The following PLXNA4 variants were observed in gnomAD, a reference collection of about 807,000 sequenced individuals.
PLXNA4 encodes plexin A4.
Under a neutral mutation model 191.8 loss-of-function variants are expected in PLXNA4, and 44 were observed. That is an observed-to-expected ratio of 0.23 (90% CI 0.18 to 0.29). The LOEUF is 0.29. PLXNA4 is among the 10% of genes least tolerant of loss of function. PLXNA4 has a pLI of 1.00. For missense variants in PLXNA4, 1,800 were observed against 2,488.8 expected (o/e 0.72, Z 5.89); for synonymous variants, 1,082 against 1,009.5 (o/e 1.07, Z -1.36).
intron 4 of PLXNA4, among the ~76,000 whole-genome samples, chr7:132,263,132 C>T (rs1447838035): frequency 6.6e-6 from 1 of 152,182 alleles, no homozygotes; most frequent in Non-Finnish European, 1.5e-5. Flanking sequence ...GAGAGGGAGG[C>T]TGAGCTTCTC....
At chr7:132,465,341 C>A (rs1395386612) in intron 3 of PLXNA4, among the ~76,000 whole-genome samples, 3 of 152,196 alleles carry the variant, frequency 2.0e-5, no homozygotes, top group African/African-American at 7.2e-5. Context: ...ACACCCTCAA[C>A]CTGAAATGAT....
At chr7:132,465,439 T>C (rs1331728376) in intron 3 of PLXNA4, among the ~76,000 whole-genome samples, 1 of 152,244 alleles carries the variant, frequency 6.6e-6, no homozygotes, top group Non-Finnish European at 1.5e-5. Context: ...TTACAATCTT[T>C]GTTCCTGGGG....
chr7:132,278,556 G>A (rs772115136), intron 4 of PLXNA4, among the ~76,000 whole-genome samples: 21 of 152,200 alleles, frequency 1.4e-4, no homozygotes, highest in Non-Finnish European at 2.6e-4. Flanking sequence ...ATGCCAACTA[G>A]TTAATAATGA....
intron 4 of PLXNA4, among the ~76,000 whole-genome samples, chr7:132,275,172 T>C (rs541590652): frequency 9.2e-5 from 14 of 152,282 alleles, no homozygotes; most frequent in African/African-American, 3.4e-4. Context: ...ATTTTTCCTC[T>C]TTTCTTCCAC....
At chr7:132,431,929 A>C (rs938474197) in intron 3 of PLXNA4, among the ~76,000 whole-genome samples, 1 of 152,076 alleles carries the variant, frequency 6.6e-6, no homozygotes, top group Non-Finnish European at 1.5e-5. Flanking sequence ...TCTCATAATC[A>C]ATGCCTGCCT....
At chr7:132,518,893 G>A (rs1462183490) in intron 1 of PLXNA4, among the ~76,000 whole-genome samples, 3 of 151,530 alleles carry the variant, frequency 2.0e-5, no homozygotes, top group East Asian at 3.9e-4. Flanking sequence ...TTCCCTCAGG[G>A]TACAAAACCA....
At position 132,594,927 on chromosome 7, in the gene PLXNA4, A is replaced by G. The variant is rs79528443; in HGVS notation, c.-87+51001T>C. 5.9e-4 allele frequency among the ~76,000 whole-genome samples: 53 copies of G among 90,292 alleles called. No individual in the cohort carries two copies. In the East Asian group the frequency reaches 0.02, roughly 33 times the overall value. The allele number at this position is 90,292 out of a possible 152,430, so 59.2% of individuals were successfully genotyped here. On this transcript the variant is annotated intron_variant, in intron 2 of 4. Coordinates refer to the PLXNA4 transcript ENST00000378539. ...GATAGATAGGTAGATAGATAGATAGATAGATAGATAGATAGATAGATAGAT... is the reference window on the plus strand; with the variant it reads ...GATAGATAGGTAGATAGATAGATAGGTAGATAGATAGATAGATAGATAGAT...
intron 1 of PLXNA4, among the ~76,000 whole-genome samples, chr7:132,533,925 C>T (rs979947124): frequency 2.7e-5 from 4 of 149,994 alleles, no homozygotes; most frequent in Admixed American, 6.6e-5. Flanking sequence ...AAGGATATTA[C>T]TATTATTATT....
intron 3 of PLXNA4, among the ~76,000 whole-genome samples, chr7:132,325,415 C>A (rs1802319926): frequency 1.3e-5 from 2 of 152,154 alleles, no homozygotes; most frequent in Admixed American, 6.5e-5. Context: ...TGAACTGTGT[C>A]CCCTGAATAG....
intron 4 of PLXNA4, among the ~76,000 whole-genome samples, chr7:132,247,529 C>A (rs1799100851): frequency 1.3e-5 from 2 of 152,124 alleles, no homozygotes; most frequent in African/African-American, 2.4e-5. Context: ...TGTCACTGTC[C>A]CCGAGCAGAG....
chr7:132,185,250 G>C lies in PLXNA4; in HGVS notation c.3158+49C>G, dbSNP rs377613938. The C allele has an allele frequency of 3.2e-6, 5 of 1,559,382 alleles. No individual in the cohort carries two copies. The African/African-American group carries it at 6.8e-5, about 21-fold the overall frequency. On this transcript the variant is annotated intron_variant, in intron 16 of 31. Transcript: ENST00000321063. ...TCCTTGGCTTTCAAGAGTCAGGGAA[G>C]GGAAACAGAGGTGCAGAAGCATTAA... is the stretch of plus-strand genomic sequence containing the variant.
chr7:132,583,116 A>G (rs1039780873), intron 2 of PLXNA4, among the ~76,000 whole-genome samples: 2 of 152,188 alleles, frequency 1.3e-5, no homozygotes, highest in Non-Finnish European at 2.9e-5. Context: ...GCCATCAGAG[A>G]CATTCAAGAG....
At chr7:132,222,360 C>T (rs561631093) in intron 9 of PLXNA4, among the ~76,000 whole-genome samples, 1 of 152,196 alleles carries the variant, frequency 6.6e-6, no homozygotes, top group Non-Finnish European at 1.5e-5. Context: ...TAATAAACAG[C>T]TTCTCTCCTC....
chr7:132,298,067 C>A, intron 4 of PLXNA4, 24 bp downstream of exon 4: 1 of 1,614,068 alleles, frequency 6.2e-7, no homozygotes, highest in East Asian at 2.2e-5. Context: ...AGACAAATGT[C>A]TAGCGGAGCC....
In PLXNA4 at chr7:132,140,806, G is replaced by T; in HGVS notation, c.5231C>A (p.Pro1744His). The change falls in exon 30 of 32, where the codon CCC becomes CAC. Residue 1744 changes from proline (P) to histidine (H), a missense_variant. This residue lies in a region of PLXNA4 where 101 missense variants were observed against 182.8 expected (regional missense o/e 0.55). Coordinates refer to ENST00000321063, the MANE Select transcript of PLXNA4 (RefSeq NM_020911.2). The stretch of plus-strand genomic sequence containing the variant: ...GATCATGTTGACCCAAAACCTCAGG[G>T]GCAGGCTGCGTGGAAGGAAGAGGCA... The part of the protein sequence containing the change: ...VRHTWKSNCL[P>H]LRFWVNMIKN... 6.2e-7 allele frequency: 1 copy of T among 1,614,054 alleles called. No individual in the cohort carries two copies.
At chr7:132,523,455 G>A (rs1292660811) in intron 1 of PLXNA4, among the ~76,000 whole-genome samples, 2 of 152,230 alleles carry the variant, frequency 1.3e-5, no homozygotes, top group Admixed American at 1.3e-4. Context: ...CACTGAAGCA[G>A]ACTTGGCAAG....
chr7:132,640,729 C>T (rs927542880), intron 2 of PLXNA4, among the ~76,000 whole-genome samples: 11 of 151,510 alleles, frequency 7.3e-5, no homozygotes, highest in Non-Finnish European at 1.3e-4. Context: ...TTCATCAAAT[C>T]CAGGACACTA....
At chr7:132,243,476 T>C (rs1361762027) in intron 4 of PLXNA4, among the ~76,000 whole-genome samples, 4 of 152,204 alleles carry the variant, frequency 2.6e-5, no homozygotes, top group Admixed American at 6.5e-5. Context: ...GAATCTGAAA[T>C]TCTCAAAAAC....
chr7:132,179,820 G>A lies in PLXNA4; in HGVS notation c.3741C>T (p.Gly1247=). ...CGGCCACGATGAAAATGATGAGGAG[G>A]CCGCCAGCCACTGCGATGCTGACGA... ...PAIVSIAVAG[G]LLIIFIVAVL... The change falls in exon 20 of 32, where the codon GGC becomes GGT. Residue 1247 remains glycine (G), a synonymous_variant. Transcript: ENST00000321063. The A allele has an allele frequency of 6.2e-7, 1 of 1,611,858 alleles. No homozygotes were observed. The highest frequency in any genetic ancestry group is 8.5e-7 in the Non-Finnish European group (1 of 1,179,712).
Sources: gnomAD v4.1 joint callset for allele counts (sites outside exome capture counted in the v4.1 genomes callset) on GRCh38, gnomAD v4.1.1 for gene constraint, gnomAD v4.1.1 regional missense constraint, MANE v1.5 for transcripts, NCBI Gene and HGNC (gene_info 2026-07-23, HGNC 2026-07-21) for gene names.